Variants in TCF3 observed in about 807,000 individuals in gnomAD.
TCF3 encodes transcription factor E2-alpha.
A neutral mutation model predicts 72.3 loss-of-function variants in TCF3; 54 were observed. That is an observed-to-expected ratio of 0.75 (90% CI 0.60 to 0.94). The LOEUF (loss-of-function observed/expected upper bound fraction) is 0.94. Ranked by LOEUF, TCF3 falls within the 40% of genes least tolerant of loss-of-function variation. The probability of loss-of-function intolerance (pLI) is 0.00; values close to 1 mark genes in which losing one functional copy is unlikely to be tolerated. For synonymous variants in TCF3, 525 were observed against 412.6 expected, an observed-to-expected ratio of 1.27 and a Z score of -3.30; for missense variants, 1,078 against 934.4, an observed-to-expected ratio of 1.15 and a Z score of -2.00.
At chr19:1,642,237 C>T (rs866799976) in intron 3 of TCF3, among the ~76,000 whole-genome samples, 64 of 151,924 alleles carry the variant, frequency 4.2e-4, no homozygotes, top group Admixed American at 7.9e-4. Context: ...GACACGCACG[C>T]GCAGACGCAC....
At chr19:1,644,667 G>A (rs1406458232) in intron 3 of TCF3, among the ~76,000 whole-genome samples, 1 of 152,182 alleles carries the variant, frequency 6.6e-6, no homozygotes, top group Non-Finnish European at 1.5e-5. Context: ...TCCAGGGAGA[G>A]GCAACCCAGA....
At chr19:1,618,478 A>G (rs921656642) in intron 16 of TCF3, among the ~76,000 whole-genome samples, 1 of 151,760 alleles carries the variant, frequency 6.6e-6, no homozygotes, top group Non-Finnish European at 1.5e-5. Context: ...CGCAGCCCAC[A>G]AGGCCCCGCA....
Position 1,619,352 on chromosome 19 carries a change from G to A in TCF3, c.1290C>T (p.Thr430=), listed in dbSNP as rs760957582. ...PGHGALASGF[T]GPMSLGGRHA... ...GCCGCCCGCCCAGTGACATGGGGCC[G>A]GTGAAACCTGAGGCCAGCGCCCCGT... Residue 430 remains threonine (T), a synonymous_variant, in exon 15 of 19, where the codon ACC becomes ACT. Coordinates refer to ENST00000262965, the MANE Select transcript of TCF3 (RefSeq NM_003200.5). 5.5e-5 allele frequency: 87 copies of A among 1,584,488 alleles called. No individual in the cohort carries two copies. The highest frequency in any genetic ancestry group is 1.0e-4 in the South Asian group (9 of 89,726).
At chr19:1,642,186 G>T (rs942739895) in intron 3 of TCF3, among the ~76,000 whole-genome samples, 1 of 142,914 alleles carries the variant, frequency 7.0e-6, no homozygotes, top group Admixed American at 7.0e-5. Flanking sequence ...ACACACGCAC[G>T]CAGACACAGA....
Position 1,611,529 on chromosome 19 carries a change from AC to A in TCF3, c.*177del. 1.2e-6 allele frequency: 1 copy of A among 815,420 alleles called. No homozygotes were observed. 50.5% of individuals were successfully genotyped at this position (815,420 alleles called of 1,614,324 possible). ...GGCCAGGGCCCCAGGGAGCTCCTGG[AC>A]CCAGTGTCACCTTGGCCGCCCCCAT... On this transcript the variant is annotated 3_prime_UTR_variant, in exon 19 of 19. Transcript: ENST00000262965.
intron 2 of TCF3, 65 bp downstream of exon 2, chr19:1,650,111 TG>T: frequency 6.9e-7 from 1 of 1,459,690 alleles, no homozygotes. Flanking sequence ...CACTCTCCCC[TG>T]AAAACCTTCC....
At chr19:1,619,708 C>G in intron 14 of TCF3, 72 bp downstream of exon 14, 1 of 1,398,970 alleles carries the variant, frequency 7.1e-7, no homozygotes, top group Non-Finnish European at 9.8e-7. Flanking sequence ...AAAAAGGTTT[C>G]TCCTTCTCAA....
At chr19:1,613,656 G>T (rs1017647995) in intron 18 of TCF3, among the ~76,000 whole-genome samples, 1 of 152,144 alleles carries the variant, frequency 6.6e-6, no homozygotes. Context: ...CCCGGGACTG[G>T]GGAGTCCAGG....
intron 5 of TCF3, 126 bp downstream of exon 5, chr19:1,631,912 C>T (rs748443526): frequency 2.3e-5 from 36 of 1,537,270 alleles, no homozygotes; most frequent in Admixed American, 5.9e-5. Flanking sequence ...GCAGAGGCTT[C>T]GGCTGTCCAC....
chr19:1,632,883 C>G (rs1483509310), intron 3 of TCF3, among the ~76,000 whole-genome samples: 1 of 152,338 alleles, frequency 6.6e-6, no homozygotes, highest in South Asian at 2.1e-4. Context: ...GGCCCAGGGT[C>G]TCCCTGTCCC....
At chr19:1,629,531 A>G (rs1282259796) in intron 5 of TCF3, among the ~76,000 whole-genome samples, 2 of 151,278 alleles carry the variant, frequency 1.3e-5, no homozygotes, top group Non-Finnish European at 3.0e-5. Context: ...ACAGCTGGCC[A>G]AGGCGAGCCC....
At position 1,611,657 on chromosome 19, in the gene TCF3, C is replaced by A. The variant is rs369485070; in HGVS notation, c.*50G>T. 41 of 1,578,888 alleles carry A rather than the reference C, an allele frequency of 2.6e-5. No individual in the cohort carries two copies. Among genetic ancestry groups the A allele is most frequent in the Non-Finnish European group, 3.1e-5 (36 of 1,160,164 alleles). The stretch of plus-strand genomic sequence containing the variant: ...GGGGTCTCGAGTGGCCGTTCTGGGG[C>A]CAGAGCACAGGGCTGAAAGCGGGTG... On this transcript the variant is annotated 3_prime_UTR_variant, in exon 19 of 19. Transcript: ENST00000262965.
In TCF3 at chr19:1,622,137, G is replaced by T; in HGVS notation, c.739C>A (p.Leu247Met). Reference protein sequence around the residue: ...GPMLGGGSSPLPLPPGSGPVG... With the variant: ...GPMLGGGSSPMPLPPGSGPVG... ...GGGCCGCTACCGGGCGGGAGGGGCAGCGGGGATGAGCCCCCACCCAGCATG... is the reference window on the plus strand; with the variant it reads ...GGGCCGCTACCGGGCGGGAGGGGCATCGGGGATGAGCCCCCACCCAGCATG... Residue 247 changes from leucine to methionine, a missense_variant, in exon 10 of 19, where the codon CTG becomes ATG. Coordinates refer to ENST00000262965, the MANE Select transcript of TCF3 (RefSeq NM_003200.5). The T allele has an allele frequency of 6.3e-7, 1 of 1,588,190 alleles. No individual in the cohort carries two copies. The highest frequency in any genetic ancestry group is 8.5e-7 in the Non-Finnish European group (1 of 1,169,604).
chr19:1,640,675 G>A (rs964338349), intron 3 of TCF3, among the ~76,000 whole-genome samples: 7 of 151,876 alleles, frequency 4.6e-5, no homozygotes, highest in South Asian at 2.1e-4. Flanking sequence ...AAACTTAGCC[G>A]GCACCTGTAG....
rs766867264 is a variant in TCF3, at chr19:1,632,109, C to T, written c.227G>A (p.Ser76Asn). ...SSSFDPSRTF[S>N]EGTHFTESHS... ...CGACTCAGTGAAGTGGGTGCCCTCG[C>T]TGAAGGTCTAGGGGAGATGGGGTGG... Residue 76 changes from serine (S) to asparagine (N), a missense_variant, in exon 5 of 19, where the codon AGC becomes AAC. Coordinates refer to ENST00000262965, the MANE Select transcript of TCF3 (RefSeq NM_003200.5). The T allele has an allele frequency of 3.7e-6, 6 of 1,612,978 alleles. No homozygotes were observed. Among genetic ancestry groups the T allele is most frequent in the African/African-American group, 2.7e-5 (2 of 74,880 alleles).
In TCF3 at chr19:1,612,309, G is replaced by A. The variant is rs753925052; in HGVS notation, c.1823-460C>T. 2.5e-6 allele frequency: 4 copies of A among 1,613,902 alleles called. No homozygotes were observed. Among genetic ancestry groups the A allele is most frequent in the East Asian group, 2.2e-5 (1 of 44,890 alleles). On this transcript the variant is annotated intron_variant, in intron 18 of 18. Coordinates refer to ENST00000262965, the MANE Select transcript of TCF3 (RefSeq NM_003200.5). Reference sequence around the variant, plus strand: ...GACTTGAGGTGCATCTGGCACATGCGCCCCAGCTCCCGGAAGGCCTCGTTA... The same window carrying A: ...GACTTGAGGTGCATCTGGCACATGCACCCCAGCTCCCGGAAGGCCTCGTTA...
At chr19:1,645,384 T>C (rs941332551) in intron 3 of TCF3, among the ~76,000 whole-genome samples, 35 of 149,026 alleles carry the variant, frequency 2.3e-4, no homozygotes, top group African/African-American at 8.7e-4. Flanking sequence ...ACAGCCAGCC[T>C]GGGCCGCCCA....
At position 1,621,860 on chromosome 19, in the gene TCF3, G is replaced by A. The variant is rs1425915146; in HGVS notation, c.933C>T (p.Val311=). 8 of 1,593,132 alleles carry A rather than the reference G, an allele frequency of 5.0e-6. No individual in the cohort carries two copies. The highest frequency in any genetic ancestry group is 1.3e-5 in the African/African-American group (1 of 74,844). Residue 311 remains valine, a synonymous_variant, in exon 11 of 19, where the codon GTC becomes GTT. Coordinates refer to ENST00000262965, the MANE Select transcript of TCF3 (RefSeq NM_003200.5). ...TACCCAGGAGGCTGTCGGCCCCGCT[G>A]ACAGGCGGCGTGTGGCTGGAGACGC... is the stretch of plus-strand genomic sequence containing the variant. ...YGGVSSHTPP[V]SGADSLLGSR...
At position 1,619,489 on chromosome 19, in the gene TCF3, G is replaced by A. The variant is rs762068655; in HGVS notation, c.1168-15C>T. The stretch of plus-strand genomic sequence containing the variant: ...ATCTTACTCTGCTGCAGGGTGGGGG[G>A]ATGGGTGGTGAGGGGCCCAAGCCGA... On this transcript the variant is annotated splice_polypyrimidine_tract_variant and intron_variant, in intron 14 of 18. Coordinates refer to ENST00000262965, the MANE Select transcript of TCF3 (RefSeq NM_003200.5). 4 of 1,562,172 alleles carry A rather than the reference G, an allele frequency of 2.6e-6. No individual in the cohort carries two copies. The highest frequency in any genetic ancestry group is 4.5e-5 in the East Asian group (2 of 44,158).
Sources: allele counts gnomAD v4.1 joint callset (sites outside exome capture counted in the v4.1 genomes callset), GRCh38; gene constraint gnomAD v4.1.1; transcripts MANE v1.5; gene names NCBI Gene and HGNC (gene_info 2026-07-23, HGNC 2026-07-21).